Variants in CCDC146 observed in about 807,000 individuals in gnomAD.
CCDC146 encodes the protein coiled-coil domain containing 146.
In CCDC146, 92 loss-of-function variants were observed where a neutral mutation model predicts 119.3. The observed-to-expected ratio is 0.77, with a 90% CI of 0.65 to 0.92. CCDC146 has a LOEUF of 0.92. Ranked by LOEUF, CCDC146 falls within the 40% of genes least tolerant of loss-of-function variation. The probability of loss-of-function intolerance (pLI) is 0.00; values close to 1 mark genes in which losing one functional copy is unlikely to be tolerated. For synonymous variants in CCDC146, 372 were observed against 371.8 expected (o/e 1.00, Z -0.01); for missense variants, 1,000 against 1,103.0 (o/e 0.91, Z 1.32).
chr7:77,246,777 C>T (rs1157666983), intron 4 of CCDC146, among the ~76,000 whole-genome samples: 1 of 152,154 alleles, frequency 6.6e-6, no homozygotes, highest in Non-Finnish European at 1.5e-5. Flanking sequence ...GTCAGTTTAG[C>T]TTTGACTGTG....
intron 1 of CCDC146, among the ~76,000 whole-genome samples, chr7:77,147,082 C>T (rs1048375011): frequency 2.6e-5 from 4 of 152,134 alleles, no homozygotes; most frequent in Admixed American, 1.3e-4. Context: ...CACATAGTCC[C>T]GTATTTCTCG....
intron 8 of CCDC146, among the ~76,000 whole-genome samples, chr7:77,261,578 C>T (rs913804347): frequency 8.5e-5 from 13 of 152,100 alleles, no homozygotes; most frequent in African/African-American, 2.7e-4. Flanking sequence ...CCCGGGTTCA[C>T]GCCATTCTCC....
chr7:77,287,555 A>G lies in CCDC146; in HGVS notation c.2393A>G (p.Asp798Gly). Residue 798 changes from aspartate (D) to glycine (G), a missense_variant, in exon 17 of 19, where the codon GAC (aspartate) becomes GGC (glycine). This residue lies in a region of CCDC146 where 985 missense variants were observed against 1,045.3 expected (regional missense o/e 0.94). Transcript: ENST00000285871. The part of the protein sequence containing the change: ...LCSKTQGCKQ[D>G]TLLLAKKMNG... The stretch of plus-strand genomic sequence containing the variant: ...AGCAAAACTCAGGGCTGCAAGCAGG[A>G]CACACTGCTCTTAGCCAAGAAGGTA... 1 of 1,613,718 alleles carries G rather than the reference A, an allele frequency of 6.2e-7. No individual in the cohort carries two copies. The highest frequency in any genetic ancestry group is 1.1e-5 in the South Asian group (1 of 91,072).
chr7:77,140,926 A>AT (rs999880382), intron 1 of CCDC146, among the ~76,000 whole-genome samples: 41 of 147,724 alleles, frequency 2.8e-4, no homozygotes, highest in African/African-American at 9.2e-4. Flanking sequence ...ATTAGCCTTT[A>AT]TTTTTTTTTA....
intron 2 of CCDC146, among the ~76,000 whole-genome samples, chr7:77,184,987 C>A (rs892579264): frequency 6.6e-6 from 1 of 152,098 alleles, no homozygotes; most frequent in Admixed American, 6.6e-5. Context: ...GTATCTGTTA[C>A]CCATGGAAAA....
rs58026945 is a variant in CCDC146 at position 77,250,973 on chromosome 7, T to TTGTGTG, written c.450-3485_450-3480dup. On this transcript the variant is annotated intron_variant, in intron 4 of 18. Coordinates refer to ENST00000285871, the MANE Select transcript of CCDC146 (RefSeq NM_020879.3). ...ATACAGTGATTTTGATCTCTGGTATTTGTGTGTGTGTGTGTGTGTGTGTGT... is the reference window on the plus strand; with the variant it reads ...ATACAGTGATTTTGATCTCTGGTATTTGTGTGTGTGTGTGTGTGTGTGTGTGTGTGT... 3.4e-3 allele frequency among the ~76,000 whole-genome samples: 385 copies of TTGTGTG among 114,692 alleles called. 4 individuals are homozygous for TTGTGTG. The highest frequency in any genetic ancestry group is 8.5e-3 in the East Asian group (34 of 3,984). The allele number at this position is 114,692 out of a possible 152,430, so 75.2% of individuals were successfully genotyped here.
chr7:77,157,990 A>G (rs1791202615), intron 1 of CCDC146, among the ~76,000 whole-genome samples: 1 of 151,938 alleles, frequency 6.6e-6, no homozygotes, highest in Non-Finnish European at 1.5e-5. Context: ...CTCTAAATTC[A>G]CACATTTTCC....
chr7:77,188,804 C>T (rs566915882), intron 2 of CCDC146, among the ~76,000 whole-genome samples: 6 of 152,238 alleles, frequency 3.9e-5, no homozygotes, highest in African/African-American at 1.2e-4. Flanking sequence ...CTATATCTAA[C>T]GTAATCTAAA....
rs1436316897 is a variant in CCDC146, at chr7:77,143,573, A to C, written c.-12+20841A>C. On this transcript the variant is annotated intron_variant, in intron 1 of 18. Transcript: ENST00000285871. The stretch of plus-strand genomic sequence containing the variant: ...AGGTCTAACATTTAAGACTTTAATC[A>C]ATCTTGAATTAATTTTGGTATAAGG... 2.6e-5 allele frequency among the ~76,000 whole-genome samples: 4 copies of C among 151,886 alleles called. No individual in the cohort carries two copies. In the South Asian group the frequency reaches 6.2e-4, roughly 24 times the overall value.
At chr7:77,181,774 C>A (rs1055904621) in intron 2 of CCDC146, among the ~76,000 whole-genome samples, 1 of 152,146 alleles carries the variant, frequency 6.6e-6, no homozygotes. Flanking sequence ...GTTTTTTTCC[C>A]CATGTGGAAA....
At chr7:77,154,690 A>C (rs1369802683) in intron 1 of CCDC146, among the ~76,000 whole-genome samples, 1 of 151,904 alleles carries the variant, frequency 6.6e-6, no homozygotes, top group African/African-American at 2.4e-5. Flanking sequence ...ACATTTTCTT[A>C]ATCCAGTCTA....
At chr7:77,145,493 C>T (rs1190494696) in intron 1 of CCDC146, among the ~76,000 whole-genome samples, 3 of 151,720 alleles carry the variant, frequency 2.0e-5, no homozygotes, top group Admixed American at 2.0e-4. Flanking sequence ...TTCTCTAGTT[C>T]TTTTAATTGT....
intron 2 of CCDC146, among the ~76,000 whole-genome samples, chr7:77,225,486 C>T (rs1338252700): frequency 1.3e-5 from 2 of 150,068 alleles, no homozygotes; most frequent in Non-Finnish European, 3.0e-5. Flanking sequence ...CACAGGAGTT[C>T]GAGGCTGCAG....
chr7:77,223,875 A>G (rs1584087840), intron 2 of CCDC146, among the ~76,000 whole-genome samples: 3 of 152,320 alleles, frequency 2.0e-5, no homozygotes, highest in South Asian at 4.1e-4. Context: ...ACAGTGTACA[A>G]CGTGTGAAAT....
Position 77,146,073 on chromosome 7 carries a change from C to A in CCDC146, c.-11-21585C>A, listed in dbSNP as rs1192643038. 9.3e-5 allele frequency among the ~76,000 whole-genome samples: 14 copies of A among 150,718 alleles called. 1 individual carries two copies. The highest frequency in any genetic ancestry group is 5.9e-4 in the Admixed American group (9 of 15,232). On this transcript the variant is annotated intron_variant, in intron 1 of 18. Transcript: ENST00000285871. ...AGTCTAGGTCTCTTTGTAGGTCACT[C>A]AGGACTTGCTTTATGAATCTGGGTG...
intron 4 of CCDC146, among the ~76,000 whole-genome samples, chr7:77,243,622 C>G (rs1792889862): frequency 6.6e-6 from 1 of 151,728 alleles, no homozygotes. Flanking sequence ...TTACTTTTGC[C>G]TAGTATTTAC....
At chr7:77,229,385 C>A (rs1254465027) in intron 2 of CCDC146, among the ~76,000 whole-genome samples, 1 of 152,214 alleles carries the variant, frequency 6.6e-6, no homozygotes, top group African/African-American at 2.4e-5. Flanking sequence ...ATCAGTAAAT[C>A]TTTGCCTGTG....
At chr7:77,163,860 C>CTTTTTTTTTTTTTTTTTT (rs530810388) in intron 1 of CCDC146, among the ~76,000 whole-genome samples, 6 of 110,040 alleles carry the variant, frequency 5.5e-5, no homozygotes, top group Admixed American at 9.9e-5. Flanking sequence ...TCTTTTTTTT[C>CTTTTTTTTTTTTTTTTTT]TTTTTTTTTT....
intron 2 of CCDC146, among the ~76,000 whole-genome samples, chr7:77,181,960 T>C (rs1283868435): frequency 2.0e-5 from 3 of 152,160 alleles, no homozygotes; most frequent in Non-Finnish European, 4.4e-5. Flanking sequence ...GGTATGTACG[T>C]TGATGTAGGG....
Sources: allele counts gnomAD v4.1 joint callset (sites outside exome capture counted in the v4.1 genomes callset), GRCh38; gene constraint gnomAD v4.1.1; regional missense constraint gnomAD v4.1.1; transcripts MANE v1.5; gene names NCBI Gene and HGNC (gene_info 2026-07-23, HGNC 2026-07-21).